Variants in IDO2 observed in about 807,000 individuals in gnomAD.
IDO2 encodes indoleamine 2,3-dioxygenase 2.
A neutral mutation model predicts 45.1 loss-of-function variants in IDO2; 46 were observed. The observed-to-expected ratio is 1.02, with a 90% CI of 0.80 to 1.30. The LOEUF is 1.30. IDO2 is among the 50% of genes most tolerant of loss of function. The probability of loss-of-function intolerance (pLI) is 0.00; values close to 1 mark genes in which losing one functional copy is unlikely to be tolerated. For synonymous variants in IDO2, 218 were observed against 184.9 expected (o/e 1.18, Z -1.45); for missense variants, 544 against 491.8 (o/e 1.11, Z -1.00).
At chr8:39,997,661 T>A (rs905781163) in intron 8 of IDO2, among the ~76,000 whole-genome samples, 3 of 152,044 alleles carry the variant, frequency 2.0e-5, no homozygotes, top group Admixed American at 2.0e-4. Context: ...CCTGTCTCAA[T>A]AAGTAAATAA....
chr8:39,966,834 A>G (rs937523397), intron 3 of IDO2, among the ~76,000 whole-genome samples: 1 of 152,222 alleles, frequency 6.6e-6, no homozygotes. Flanking sequence ...AGACAAAATT[A>G]CCAAATAATA....
chr8:39,996,996 AG>A (rs1196699238), intron 8 of IDO2, among the ~76,000 whole-genome samples: 1 of 120,826 alleles, frequency 8.3e-6, no homozygotes, highest in Non-Finnish European at 1.9e-5. Context: ...ACACTTACTC[AG>A]TTACACTGTT....
At chr8:39,982,672 C>T (rs754765750) in exon 5 of IDO2, 1 of 1,609,706 alleles carries the variant, frequency 6.2e-7, no homozygotes, top group Admixed American at 1.7e-5. Flanking sequence ...GGAATCTTGC[C>T]CTTCCATTTG....
chr8:39,963,088 G>A (rs549212250), intron 2 of IDO2, among the ~76,000 whole-genome samples: 1 of 152,268 alleles, frequency 6.6e-6, no homozygotes, highest in Admixed American at 6.5e-5. Flanking sequence ...TCTGCCTCCT[G>A]CCTCTATCAC....
intron 8 of IDO2, among the ~76,000 whole-genome samples, chr8:39,996,445 C>G (rs1802048053): frequency 6.6e-6 from 1 of 152,180 alleles, no homozygotes; most frequent in Non-Finnish European, 1.5e-5. Flanking sequence ...GGTGACCTTA[C>G]CTGTCATTGG....
chr8:39,951,876 T>C (rs541725876), intron 2 of IDO2, among the ~76,000 whole-genome samples: 1 of 152,332 alleles, frequency 6.6e-6, no homozygotes, highest in Non-Finnish European at 1.5e-5. Flanking sequence ...CTTTCCTCTT[T>C]CATAACTACG....
At chr8:39,997,043 A>G (rs1802056080) in intron 8 of IDO2, among the ~76,000 whole-genome samples, 2 of 152,342 alleles carry the variant, frequency 1.3e-5, no homozygotes, top group Admixed American at 6.5e-5. Flanking sequence ...AATGCTTTAC[A>G]AAAGAAATCA....
At chr8:40,010,758 C>G (rs1802299038) in intron 9 of IDO2, among the ~76,000 whole-genome samples, 1 of 152,072 alleles carries the variant, frequency 6.6e-6, no homozygotes, top group Non-Finnish European at 1.5e-5. Context: ...ATAGGAGGAA[C>G]AGGTTTAGCA....
intron 9 of IDO2, among the ~76,000 whole-genome samples, chr8:40,006,516 G>T (rs1017451809): frequency 6.6e-6 from 1 of 152,110 alleles, no homozygotes; most frequent in African/African-American, 2.4e-5. Context: ...AAATTACCCA[G>T]TCTAATGTAT....
Position 39,967,118 on chromosome 8 carries a change from A to G in IDO2, c.195+3415A>G, listed in dbSNP as rs1337125796. ...ATAGTGACTTAGGGACTTCCTTGATAAATTTCATAAAGCATAAAGAAAAAT... is the reference window on the plus strand; with the variant it reads ...ATAGTGACTTAGGGACTTCCTTGATGAATTTCATAAAGCATAAAGAAAAAT... On this transcript the variant is annotated intron_variant, in intron 3 of 10. Transcript: ENST00000502986. 2.6e-5 allele frequency among the ~76,000 whole-genome samples: 4 copies of G among 152,238 alleles called. No homozygotes were observed. In the East Asian group the frequency reaches 7.7e-4, roughly 29 times the overall value.
chr8:39,936,887 C>T (rs1807561323), intron 1 of IDO2, among the ~76,000 whole-genome samples: 1 of 152,184 alleles, frequency 6.6e-6, no homozygotes, highest in Non-Finnish European at 1.5e-5. Flanking sequence ...TATGCATAGA[C>T]AATCTGGCAG....
intron 3 of IDO2, among the ~76,000 whole-genome samples, chr8:39,978,436 T>G (rs972590789): frequency 2.6e-5 from 4 of 152,142 alleles, no homozygotes; most frequent in African/African-American, 9.7e-5. Flanking sequence ...GCGGAGAAAC[T>G]GCTGATACTT....
At chr8:39,994,644 G>A (rs1802002745) in intron 8 of IDO2, among the ~76,000 whole-genome samples, 1 of 150,602 alleles carries the variant, frequency 6.6e-6, no homozygotes, top group Admixed American at 6.6e-5. Context: ...TTCTGGCAGA[G>A]TAAATGTCTC....
intron 2 of IDO2, among the ~76,000 whole-genome samples, chr8:39,962,075 G>A (rs1411605315): frequency 2.0e-5 from 3 of 152,180 alleles, no homozygotes; most frequent in Admixed American, 2.0e-4. Flanking sequence ...GACAGGCTGG[G>A]TGCCAATGAA....
At chr8:39,970,224 A>G (rs1808158134) in intron 3 of IDO2, among the ~76,000 whole-genome samples, 1 of 152,240 alleles carries the variant, frequency 6.6e-6, no homozygotes, top group African/African-American at 2.4e-5. Flanking sequence ...AAAAGTTTTA[A>G]ACCAGCAGAA....
intron 3 of IDO2, among the ~76,000 whole-genome samples, chr8:39,973,058 C>T: frequency 6.6e-6 from 1 of 152,096 alleles, no homozygotes. Context: ...CCCTGACTAT[C>T]TCCAGGGTAT....
intron 9 of IDO2, among the ~76,000 whole-genome samples, chr8:40,009,392 C>T (rs918190625): frequency 1.3e-5 from 2 of 151,198 alleles, no homozygotes; most frequent in Non-Finnish European, 2.9e-5. Flanking sequence ...TATTCATTCC[C>T]TTTAGTTCCC....
At chr8:39,970,913 C>T (rs1300770265) in intron 3 of IDO2, among the ~76,000 whole-genome samples, 11 of 151,430 alleles carry the variant, frequency 7.3e-5, no homozygotes, top group South Asian at 2.1e-4. Context: ...ACTACAGGCA[C>T]GTGCCACCAT....
At chr8:40,005,971 T>C (rs1403329311) in intron 9 of IDO2, among the ~76,000 whole-genome samples, 1 of 152,114 alleles carries the variant, frequency 6.6e-6, no homozygotes, top group African/African-American at 2.4e-5. Context: ...TTGGCCCTTT[T>C]TGCTCCTTTT....
Sources: gnomAD v4.1 joint callset for allele counts (sites outside exome capture counted in the v4.1 genomes callset) on GRCh38, gnomAD v4.1.1 for gene constraint, MANE v1.5 for transcripts, NCBI Gene and HGNC (gene_info 2026-07-23, HGNC 2026-07-21) for gene names.